Variants in PDLIM7 observed in about 807,000 individuals in gnomAD.
PDLIM7 encodes the protein PDZ and LIM domain 7, also known as PDZ and LIM domain protein 7.
In PDLIM7, 37 loss-of-function variants were observed where a neutral mutation model predicts 53.9. That is an observed-to-expected ratio of 0.69 (90% CI 0.53 to 0.90). PDLIM7 has a LOEUF of 0.90. PDLIM7 is among the 40% of genes least tolerant of loss of function. PDLIM7 has a pLI of 0.00. For missense variants in PDLIM7, 617 were observed against 638.5 expected, an observed-to-expected ratio of 0.97 and a Z score of 0.36; for synonymous variants, 300 against 261.3, an observed-to-expected ratio of 1.15 and a Z score of -1.43.
At chr5:177,491,374 A>G (rs1328242215) in intron 5 of PDLIM7, 4 of 1,551,898 alleles carry the variant, frequency 2.6e-6, no homozygotes, top group Non-Finnish European at 3.5e-6. Flanking sequence ...AAGGAAGAAG[A>G]AAGGCACAGG....
chr5:177,486,424 G>A (rs1020264456), intron 10 of PDLIM7, among the ~76,000 whole-genome samples: 1 of 152,122 alleles, frequency 6.6e-6, no homozygotes, highest in Non-Finnish European at 1.5e-5. Context: ...GGCCCAGAGA[G>A]AGCAACTAGC....
Position 177,496,526 on chromosome 5 carries a change from G to A in PDLIM7, c.-11-3C>T, listed in dbSNP as rs1367260154. On this transcript the variant is annotated splice_polypyrimidine_tract_variant and splice_region_variant and intron_variant, in intron 1 of 12. Transcript: ENST00000355841. ...GAAGGAATCCATGATGCCGGCTCCT[G>A]AGAGGAGAGAAGAGAAGGTGAGTGG... is the stretch of plus-strand genomic sequence containing the variant. 28 of 1,572,300 alleles carry A rather than the reference G, an allele frequency of 1.8e-5. No individual in the cohort carries two copies. Among genetic ancestry groups the A allele is most frequent in the Non-Finnish European group, 2.2e-5 (26 of 1,158,874 alleles).
chr5:177,493,183 C>T (rs1402014733), intron 2 of PDLIM7, among the ~76,000 whole-genome samples: 1 of 152,220 alleles, frequency 6.6e-6, no homozygotes, highest in Non-Finnish European at 1.5e-5. Context: ...TCTCACCCCC[C>T]AGCACCCTGT....
intron 10 of PDLIM7, among the ~76,000 whole-genome samples, chr5:177,485,688 T>C (rs1758403530): frequency 1.3e-5 from 2 of 152,104 alleles, no homozygotes; most frequent in African/African-American, 4.8e-5. Flanking sequence ...GAAATCTAGG[T>C]GTTAAAGAGA....
At position 177,497,531 on chromosome 5, in the gene PDLIM7, C is replaced by CT. The variant is rs1759156853; in HGVS notation, c.-16dup. On this transcript the variant is annotated 5_prime_UTR_variant, in exon 1 of 13. Transcript: ENST00000355841. ...CGCCCCGCGCGGTCGTCGATACCTG[C>CT]TTGGCCCGGCCAGGGCGCTGCTCTG... The CT allele has an allele frequency of 6.6e-6, 1 of 152,424 alleles. No homozygotes were observed. The highest frequency in any genetic ancestry group is 1.5e-5 in the Non-Finnish European group (1 of 68,198). 9.4% of individuals were successfully genotyped at this position (152,424 alleles called of 1,614,324 possible).
At chr5:177,486,944 T>A in intron 10 of PDLIM7, among the ~76,000 whole-genome samples, 1 of 81,778 alleles carries the variant, frequency 1.2e-5, no homozygotes, top group South Asian at 4.8e-4. Context: ...TTTTTTTTTT[T>A]TTTTTTTTTT....
intron 9 of PDLIM7, among the ~76,000 whole-genome samples, 168 bp from the exon 10 acceptor site, chr5:177,488,416 T>C (rs1758571787): frequency 6.6e-6 from 1 of 152,246 alleles, no homozygotes; most frequent in African/African-American, 2.4e-5. Context: ...GTGGCAGCCG[T>C]GAAGCTTACA....
intron 1 of PDLIM7, chr5:177,496,809 G>A (rs1458117459): frequency 2.6e-5 from 6 of 229,540 alleles, no homozygotes; most frequent in Non-Finnish European, 5.1e-5. Flanking sequence ...TGGGCCGAGG[G>A]ACTAAACTGG....
intron 9 of PDLIM7, among the ~76,000 whole-genome samples, chr5:177,489,013 GCA>G (rs1179249300): frequency 2.0e-5 from 3 of 152,222 alleles, no homozygotes; most frequent in Non-Finnish European, 4.4e-5. Context: ...ACGGGGCAGT[GCA>G]CAGAGGGAGT....
At chr5:177,491,218 T>G in intron 5 of PDLIM7, 72 bp from the exon 6 acceptor site, 9 of 1,523,352 alleles carry the variant, frequency 5.9e-6, no homozygotes, top group Non-Finnish European at 8.0e-6. Flanking sequence ...CAGGATTTGG[T>G]GCATGTGGGT....
Position 177,489,617 on chromosome 5 carries a change from G to A in PDLIM7, c.645C>T (p.Ala215=), listed in dbSNP as rs1047483078. ...AGGGCGGGCGGCTGGTAGGGCTGGG[G>A]GCGGTAGGGCCTGCCGGGGAAAGTG... is the stretch of plus-strand genomic sequence containing the variant. ...TPQEPWPGPT[A]PSPTSRPPWA... Residue 215 remains alanine, a synonymous_variant, in exon 9 of 13, where the codon GCC becomes GCT. Coordinates refer to ENST00000355841, the MANE Select transcript of PDLIM7 (RefSeq NM_005451.5). 10 of 1,597,438 alleles carry A rather than the reference G, an allele frequency of 6.3e-6. No individual in the cohort carries two copies.
intron 4 of PDLIM7, 65 bp from the exon 5 acceptor site, chr5:177,491,990 G>A (rs1278475401): frequency 8.1e-6 from 6 of 742,896 alleles, no homozygotes; most frequent in Non-Finnish European, 1.2e-5. Context: ...GGTGGAAGTG[G>A]GGCGCCTGCA....
chr5:177,496,527 A>G lies in PDLIM7; in HGVS notation c.-11-4T>C, dbSNP rs774140043. On this transcript the variant is annotated splice_polypyrimidine_tract_variant and splice_region_variant and intron_variant, in intron 1 of 12. Coordinates refer to ENST00000355841, the MANE Select transcript of PDLIM7 (RefSeq NM_005451.5). Reference sequence around the variant, plus strand: ...AAGGAATCCATGATGCCGGCTCCTGAGAGGAGAGAAGAGAAGGTGAGTGGC... The same window carrying G: ...AAGGAATCCATGATGCCGGCTCCTGGGAGGAGAGAAGAGAAGGTGAGTGGC... 2.8e-5 allele frequency: 44 copies of G among 1,564,098 alleles called. No individual in the cohort carries two copies. Among genetic ancestry groups the G allele is most frequent in the Non-Finnish European group, 3.8e-5 (44 of 1,154,068 alleles).
chr5:177,491,329 C>A (rs1758769364), intron 5 of PDLIM7, 183 bp from the exon 6 acceptor site: 9 of 1,522,660 alleles, frequency 5.9e-6, no homozygotes, highest in Non-Finnish European at 8.0e-6. Context: ...AGGAGGGCAG[C>A]CAGGGTGGGG....
At chr5:177,486,795 C>T (rs569416183) in intron 10 of PDLIM7, among the ~76,000 whole-genome samples, 169 of 151,622 alleles carry the variant, frequency 1.1e-3, no homozygotes, top group African/African-American at 2.4e-3. Flanking sequence ...CATGCCCGGC[C>T]AATTTTTTTG....
At chr5:177,496,705 T>A (rs1244966778) in intron 1 of PDLIM7, 182 bp from the exon 2 acceptor site, 2 of 428,890 alleles carry the variant, frequency 4.7e-6, no homozygotes, top group Non-Finnish European at 8.3e-6. Context: ...CTGGCGGACC[T>A]CACTTTGGAA....
At chr5:177,484,011 C>A in intron 11 of PDLIM7, 29 bp from the exon 12 acceptor site, 1 of 1,613,334 alleles carries the variant, frequency 6.2e-7, no homozygotes, top group Non-Finnish European at 8.5e-7. Context: ...AGAAAGAGGA[C>A]CTGGATTCAT....
chr5:177,486,216 G>A (rs768991803), intron 10 of PDLIM7, among the ~76,000 whole-genome samples: 2 of 152,014 alleles, frequency 1.3e-5, no homozygotes, highest in Admixed American at 6.5e-5. Flanking sequence ...ACTGCATCAT[G>A]CAGGCAAATC....
intron 4 of PDLIM7, 61 bp downstream of exon 4, chr5:177,492,344 G>T (rs1758838603): frequency 1.3e-6 from 2 of 1,590,274 alleles, no homozygotes. Context: ...AGGAGGGCGA[G>T]CAGGCCTGGC....
Sources: gnomAD v4.1 joint callset for allele counts (sites outside exome capture counted in the v4.1 genomes callset) on GRCh38, gnomAD v4.1.1 for gene constraint, MANE v1.5 for transcripts, NCBI Gene and HGNC (gene_info 2026-07-23, HGNC 2026-07-21) for gene names.